LZTFL1: variants seen among roughly 807,000 people sequenced by gnomAD.
LZTFL1 encodes leucine zipper transcription factor like 1, also known as leucine zipper transcription factor-like protein 1.
LZTFL1 carries 25 observed loss-of-function variants against 45.9 expected under a neutral mutation model. The observed-to-expected ratio is 0.54, with a 90% CI of 0.40 to 0.76. The LOEUF (loss-of-function observed/expected upper bound fraction) is 0.76. LZTFL1 is among the 30% of genes least tolerant of loss of function. The probability of loss-of-function intolerance (pLI) is 0.00; values close to 1 mark genes in which losing one functional copy is unlikely to be tolerated. For missense variants in LZTFL1, 277 were observed against 331.1 expected (o/e 0.84, Z 1.27); for synonymous variants, 93 against 117.4 (o/e 0.79, Z 1.35).
chr3:45,829,075 AAT>A (rs1339346695), intron 7 of LZTFL1, among the ~76,000 whole-genome samples: 4 of 152,242 alleles, frequency 2.6e-5, no homozygotes, highest in African/African-American at 9.6e-5. Flanking sequence ...ACAAGGAAAT[AAT>A]ATGAGAGCAC....
chr3:45,887,101 A>G (rs1702003420), intron 2 of LZTFL1, among the ~76,000 whole-genome samples: 1 of 152,208 alleles, frequency 6.6e-6, no homozygotes, highest in Non-Finnish European at 1.5e-5. Flanking sequence ...ATGTATCTAG[A>G]CAATGGAATA....
intron 2 of LZTFL1, among the ~76,000 whole-genome samples, chr3:45,905,384 T>C (rs1482336238): frequency 6.6e-6 from 1 of 152,252 alleles, no homozygotes; most frequent in Non-Finnish European, 1.5e-5. Flanking sequence ...TTTAATGTCT[T>C]TCTTTGACTT....
At chr3:45,887,583 G>A (rs1407451894) in intron 2 of LZTFL1, among the ~76,000 whole-genome samples, 1 of 152,230 alleles carries the variant, frequency 6.6e-6, no homozygotes, top group Non-Finnish European at 1.5e-5. Flanking sequence ...TGCTGAACCG[G>A]AAGGGCTGTG....
intron 2 of LZTFL1, among the ~76,000 whole-genome samples, chr3:45,880,723 C>T (rs2125726157): frequency 6.6e-6 from 1 of 152,270 alleles, no homozygotes; most frequent in Middle Eastern, 3.4e-3. Flanking sequence ...GTTCCCTCTG[C>T]TGATAATGGC....
Position 45,826,326 on chromosome 3 carries a change from T to A in LZTFL1, c.888A>T (p.Glu296Asp). 6.2e-7 allele frequency: 1 copy of A among 1,612,298 alleles called. No homozygotes were observed. Among genetic ancestry groups the A allele is most frequent in the South Asian group, 1.1e-5 (1 of 90,896 alleles). The change falls in exon 10 of 10, where the codon GAA (glutamate) becomes GAT (aspartate). Residue 296 changes from glutamate (E) to aspartate (D), a missense_variant. Coordinates refer to ENST00000296135, the MANE Select transcript of LZTFL1 (RefSeq NM_020347.4). ...GAAATCTTCAGTTTTAATCTTCAGGTTCATATCTGGAGATATAAATTAAGA... is the reference window on the plus strand; with the variant it reads ...GAAATCTTCAGTTTTAATCTTCAGGATCATATCTGGAGATATAAATTAAGA... ...KDLRKRLAQYEPED is the reference protein window; with the variant it reads ...KDLRKRLAQYDPED
At chr3:45,915,107 T>C (rs928455658) in intron 1 of LZTFL1, among the ~76,000 whole-genome samples, 19 of 152,186 alleles carry the variant, frequency 1.2e-4, no homozygotes, top group African/African-American at 4.6e-4. Flanking sequence ...CTTTGGTGTC[T>C]GTTCCCTCAA....
intron 2 of LZTFL1, among the ~76,000 whole-genome samples, chr3:45,906,598 G>A (rs1026375969): frequency 1.3e-5 from 2 of 152,208 alleles, no homozygotes; most frequent in Non-Finnish European, 2.9e-5. Flanking sequence ...CACAGCCAAG[G>A]CCCTGCTGAC....
intron 1 of LZTFL1, chr3:45,913,305 C>CTT (rs74619260): frequency 1.7e-3 from 871 of 520,604 alleles, no homozygotes; most frequent in East Asian, 3.1e-3. Context: ...AGATCCTTAA[C>CTT]TTTTTTTTTT....
chr3:45,842,145 TG>T (rs1427519174), upstream of LZTFL1: 14 of 1,511,002 alleles, frequency 9.3e-6, no homozygotes, highest in Non-Finnish European at 1.2e-5. Context: ...CCGAGGCACG[TG>T]GACTGCAATT....
rs190455750 is a variant in LZTFL1, at chr3:45,835,501, C to T, written c.323+89G>A. The T allele has an allele frequency of 1.2e-3, 1,588 of 1,314,694 alleles. 6 individuals carry two copies. The highest frequency in any genetic ancestry group is 1.2e-3 in the Non-Finnish European group (1,073 of 919,632). 81.4% of individuals were successfully genotyped at this position (1,314,694 alleles called of 1,614,324 possible). On this transcript the variant is annotated intron_variant, in intron 3 of 9. Coordinates refer to ENST00000296135, the MANE Select transcript of LZTFL1 (RefSeq NM_020347.4). ...CCCAAATTTCCTCACACACTAGCCC[C>T]AAGAAAATATGCAGCCAAAGATGTT...
At chr3:45,905,642 G>A (rs1266400527) in intron 2 of LZTFL1, among the ~76,000 whole-genome samples, 1 of 152,198 alleles carries the variant, frequency 6.6e-6, no homozygotes, top group Non-Finnish European at 1.5e-5. Context: ...GCCCAAGCCA[G>A]GCCTTCCCAG....
At chr3:45,872,492 G>A (rs780682950) in intron 2 of LZTFL1, among the ~76,000 whole-genome samples, 1 of 152,154 alleles carries the variant, frequency 6.6e-6, no homozygotes, top group Non-Finnish European at 1.5e-5. Flanking sequence ...AGTGAGATTT[G>A]CAACAAACCA....
chr3:45,861,077 C>A (rs1425102627), intron 2 of LZTFL1, among the ~76,000 whole-genome samples: 1 of 151,908 alleles, frequency 6.6e-6, no homozygotes, highest in Admixed American at 6.6e-5. Context: ...TGGCCTTGTG[C>A]AGATGTGCTT....
At chr3:45,883,997 G>A (rs1447244041) in intron 2 of LZTFL1, 20 of 286,982 alleles carry the variant, frequency 7.0e-5, no homozygotes, top group Admixed American at 4.4e-4. Context: ...TTCTGGGGTA[G>A]GTTGGGTCCT....
intron 2 of LZTFL1, among the ~76,000 whole-genome samples, chr3:45,861,358 C>T (rs1309567854): frequency 6.6e-6 from 1 of 152,136 alleles, no homozygotes; most frequent in African/African-American, 2.4e-5. Flanking sequence ...GCCCGGGAAG[C>T]TCAGAAGTGC....
intron 2 of LZTFL1, among the ~76,000 whole-genome samples, chr3:45,876,824 C>A (rs1031320162): frequency 6.6e-6 from 1 of 152,182 alleles, no homozygotes; most frequent in South Asian, 2.1e-4. Flanking sequence ...ATGGTAGAAA[C>A]CTTAAAATGA....
In LZTFL1 at chr3:45,824,611, G is replaced by A. The variant is rs1700617966; in HGVS notation, c.*1703C>T. The A allele has an allele frequency of 5.1e-6, 2 of 388,646 alleles. No individual in the cohort carries two copies. Among genetic ancestry groups the A allele is most frequent in the East Asian group, 7.3e-5 (2 of 27,522 alleles). The allele number at this position is 388,646 out of a possible 1,614,324, so 24.1% of individuals were successfully genotyped here. ...AGTACAAATTCTACCTAGCAATATA[G>A]GTTTCTTATCAACATACCTTTTTTC... On this transcript the variant is annotated 3_prime_UTR_variant, in exon 10 of 10. Coordinates refer to ENST00000296135, the MANE Select transcript of LZTFL1 (RefSeq NM_020347.4).
rs545190754 is a variant in LZTFL1, at chr3:45,898,715, C to G, written c.-215+14405G>C. ...AGGACTAACATCTACTGTCCTTTAT[C>G]AATCAATTCAGTGAGCCCTGATATC... On this transcript the variant is annotated intron_variant, in intron 2 of 4. Transcript: ENST00000472635. Among the ~76,000 whole-genome samples, 3 of 152,354 alleles carry G rather than the reference C, an allele frequency of 2.0e-5. No homozygotes were observed. The South Asian group carries it at 6.2e-4, about 32-fold the overall frequency.
At chr3:45,915,623 G>T in exon 1 of LZTFL1, 1 of 399,174 alleles carries the variant, frequency 2.5e-6, no homozygotes, top group Non-Finnish European at 5.1e-6. Flanking sequence ...ATGCATCTCA[G>T]GTTTTGTTCA....
Sources: gnomAD v4.1 joint callset for allele counts (sites outside exome capture counted in the v4.1 genomes callset) on GRCh38, gnomAD v4.1.1 for gene constraint, MANE v1.5 for transcripts, NCBI Gene and HGNC (gene_info 2026-07-23, HGNC 2026-07-21) for gene names.